The following NEDD4L variants were observed in gnomAD, a reference collection of about 807,000 sequenced individuals.
NEDD4L encodes E3 ubiquitin-protein ligase NEDD4-like.
A neutral mutation model predicts 148.9 loss-of-function variants in NEDD4L; 54 were observed. The ratio of observed to expected loss-of-function variants is 0.36; its 90% confidence interval spans 0.29 to 0.45. The LOEUF (loss-of-function observed/expected upper bound fraction) is 0.45. NEDD4L is among the 20% of genes least tolerant of loss of function. NEDD4L has a pLI of 1.00. For missense variants in NEDD4L, 856 were observed against 1,233.8 expected, an observed-to-expected ratio of 0.69 and a Z score of 4.59; for synonymous variants, 433 against 440.7, an observed-to-expected ratio of 0.98 and a Z score of 0.22.
chr18:58,078,682 A>G (rs2083290085), intron 1 of NEDD4L, among the ~76,000 whole-genome samples: 1 of 152,194 alleles, frequency 6.6e-6, no homozygotes, highest in Admixed American at 6.5e-5. Flanking sequence ...ATGGAACAGA[A>G]AGCTTACAGA....
intron 2 of NEDD4L, among the ~76,000 whole-genome samples, chr18:58,236,055 A>T (rs374263637): frequency 3.3e-5 from 5 of 151,590 alleles, no homozygotes; most frequent in African/African-American, 9.7e-5. Flanking sequence ...AAATTAAAAT[A>T]AAAATAAACA....
chr18:58,392,115 G>A (rs1198246582), intron 30 of NEDD4L, among the ~76,000 whole-genome samples: 5 of 152,266 alleles, frequency 3.3e-5, no homozygotes, highest in Non-Finnish European at 7.3e-5. Context: ...GAGGCACAGT[G>A]ACGCAGAAGG....
chr18:58,247,823 C>T (rs557993449), intron 3 of NEDD4L, among the ~76,000 whole-genome samples: 41 of 152,356 alleles, frequency 2.7e-4, no homozygotes, highest in African/African-American at 9.4e-4. Flanking sequence ...CTCCACTCCC[C>T]TCCCCTCGTT....
intron 1 of NEDD4L, among the ~76,000 whole-genome samples, chr18:58,058,141 A>C (rs2144632999): frequency 6.6e-6 from 1 of 152,250 alleles, no homozygotes; most frequent in East Asian, 1.9e-4. Context: ...CCCCGTCTCT[A>C]CTAAAAATAC....
At chr18:58,079,511 T>TG (rs1383423530) in intron 1 of NEDD4L, among the ~76,000 whole-genome samples, 3 of 152,256 alleles carry the variant, frequency 2.0e-5, no homozygotes, top group African/African-American at 7.2e-5. Context: ...GGTATACAGA[T>TG]GGGGAAACTG....
intron 1 of NEDD4L, among the ~76,000 whole-genome samples, chr18:58,123,814 C>G (rs1282753077): frequency 6.6e-6 from 1 of 152,172 alleles, no homozygotes; most frequent in African/African-American, 2.4e-5. Context: ...ACCTTTCCAC[C>G]TGCTGCCGCG....
chr18:58,241,714 A>G lies in NEDD4L; in HGVS notation c.123-3713A>G, dbSNP rs995785109. ...TTTCTCTATGTTCCATTTCAACTGG[A>G]TAGGGACAGTGTCTTTTGTTTCTGG... On this transcript the variant is annotated intron_variant, in intron 2 of 30. Transcript: ENST00000400345. Among the ~76,000 whole-genome samples the G allele has an allele frequency of 1.6e-4, 25 of 151,828 alleles. 1 individual carries two copies. Among genetic ancestry groups the G allele is most frequent in the African/African-American group, 5.8e-4 (24 of 41,180 alleles).
intron 18 of NEDD4L, among the ~76,000 whole-genome samples, chr18:58,355,316 A>C (rs1486358787): frequency 1.3e-5 from 2 of 152,208 alleles, no homozygotes; most frequent in Admixed American, 6.5e-5. Context: ...TGATTGGGAC[A>C]GTGAGTGGAT....
At chr18:58,138,824 C>T (rs2033161381) in intron 1 of NEDD4L, among the ~76,000 whole-genome samples, 2 of 152,216 alleles carry the variant, frequency 1.3e-5, no homozygotes, top group Non-Finnish European at 2.9e-5. Flanking sequence ...ATGACCTGAT[C>T]ACCTCGTAAA....
At chr18:58,069,373 A>G (rs2082759936) in intron 1 of NEDD4L, among the ~76,000 whole-genome samples, 1 of 152,190 alleles carries the variant, frequency 6.6e-6, no homozygotes, top group African/African-American at 2.4e-5. Context: ...CCAGGAACCA[A>G]CTTTCAGATG....
chr18:58,278,727 C>T (rs1477066502), intron 5 of NEDD4L, among the ~76,000 whole-genome samples: 1 of 152,166 alleles, frequency 6.6e-6, no homozygotes, highest in East Asian at 1.9e-4. Flanking sequence ...CTGTTCCTAC[C>T]TCCATCATTG....
chr18:58,195,651 T>C (rs570033101), intron 2 of NEDD4L: 1 of 1,351,688 alleles, frequency 7.4e-7, no homozygotes, highest in African/African-American at 1.5e-5. Flanking sequence ...GTTGCTGTTG[T>C]TAGGGGAAAC....
intron 11 of NEDD4L, among the ~76,000 whole-genome samples, chr18:58,333,172 G>A (rs544454398): frequency 2.0e-5 from 3 of 151,888 alleles, no homozygotes; most frequent in South Asian, 2.1e-4. Flanking sequence ...CAGCTACTCA[G>A]GAGGCTGAGA....
chr18:58,270,972 G>A (rs7230600), intron 5 of NEDD4L, among the ~76,000 whole-genome samples: 60,595 of 151,744 alleles, frequency 0.4, 12,543 homozygotes, highest in African/African-American at 0.51. Flanking sequence ...CTCCTGGAAC[G>A]TCTCTGGAAT....
At chr18:58,204,472 T>C (rs1364210451) in intron 2 of NEDD4L, among the ~76,000 whole-genome samples, 1 of 152,252 alleles carries the variant, frequency 6.6e-6, no homozygotes, top group Non-Finnish European at 1.5e-5. Context: ...AAGGTGGTTA[T>C]GTGGAGTACA....
rs1477002910 is a variant in NEDD4L at position 58,198,468 on chromosome 18, G to A, written c.122+32607G>A. 5.3e-5 allele frequency among the ~76,000 whole-genome samples: 8 copies of A among 152,226 alleles called. No individual in the cohort carries two copies. In the East Asian group the frequency reaches 1.4e-3, roughly 26 times the overall value. On this transcript the variant is annotated intron_variant, in intron 2 of 30. Transcript: ENST00000400345. ...CCCGAATTTTGTTTTAGGGAATGGG[G>A]CCTATTTTAATTGCTGGTGGCAAAA... is the stretch of plus-strand genomic sequence containing the variant.
At chr18:58,130,333 G>A (rs541771094) in intron 1 of NEDD4L, among the ~76,000 whole-genome samples, 6 of 145,046 alleles carry the variant, frequency 4.1e-5, no homozygotes, top group South Asian at 2.3e-4. Context: ...CTGTGGTGTC[G>A]GGCTCTGTTG....
At chr18:58,115,172 C>T (rs1158222234) in intron 1 of NEDD4L, among the ~76,000 whole-genome samples, 2 of 152,068 alleles carry the variant, frequency 1.3e-5, no homozygotes, top group East Asian at 1.9e-4. Flanking sequence ...TGTCTTCTTG[C>T]CGACTCCTAT....
chr18:58,266,358 A>G (rs755172188), intron 5 of NEDD4L, among the ~76,000 whole-genome samples: 9 of 152,158 alleles, frequency 5.9e-5, no homozygotes, highest in East Asian at 1.9e-4. Flanking sequence ...TCAGCCATAT[A>G]AAAGTATTAA....
Sources: allele counts gnomAD v4.1 joint callset (sites outside exome capture counted in the v4.1 genomes callset), GRCh38; gene constraint gnomAD v4.1.1; transcripts MANE v1.5; gene names NCBI Gene and HGNC (gene_info 2026-07-23, HGNC 2026-07-21).